Variants in ASPM observed in about 807,000 individuals in gnomAD.
ASPM encodes the protein abnormal spindle-like microcephaly-associated protein.
Under a neutral mutation model 366.4 loss-of-function variants are expected in ASPM, and 256 were observed. That is an observed-to-expected ratio of 0.70 (90% CI 0.63 to 0.77). The LOEUF (loss-of-function observed/expected upper bound fraction) is 0.77, where lower values mean the gene tolerates loss of function less well. Ranked by LOEUF, ASPM falls within the 30% of genes least tolerant of loss-of-function variation. The probability of loss-of-function intolerance (pLI) is 0.00; values close to 1 mark genes in which losing one functional copy is unlikely to be tolerated. For missense variants in ASPM, 4,146 were observed against 4,090.4 expected, an observed-to-expected ratio of 1.01 and a Z score of -0.37; for synonymous variants, 1,414 against 1,342.9, an observed-to-expected ratio of 1.05 and a Z score of -1.16.
chr1:197,144,765 C>G (rs1658717284), intron 1 of ASPM, among the ~76,000 whole-genome samples: 1 of 152,186 alleles, frequency 6.6e-6, no homozygotes, highest in Non-Finnish European at 1.5e-5. Context: ...ACACCCCACA[C>G]CCTGGCAGGT....
Position 197,084,422 on chromosome 1 carries a change from TAA to T in ASPM, c.10334_10335del (p.Leu3445GlnfsTer10). On this transcript the variant is annotated frameshift_variant and splice_region_variant, in exon 28 of 28. Coordinates refer to ENST00000367409, the MANE Select transcript of ASPM (RefSeq NM_018136.5). LOFTEE classifies it high-confidence loss of function. ...TCTCTTCTCAAAACCCAATCTGGCTTAAGTCTGTTAAAAAAAAAAAAAAAGTC... is the reference window on the plus strand; with the variant it reads ...TCTCTTCTCAAAACCCAATCTGGCTTGTCTGTTAAAAAAAAAAAAAAAGTC... Reference protein sequence around the residue: ...TPVRTRIVSRLKPDWVLRRDN... With the variant: ...TPVRTRIVSRXKPDWVLRRDN... 6.3e-7 allele frequency: 1 copy of T among 1,588,530 alleles called. No individual in the cohort carries two copies. Among genetic ancestry groups the T allele is most frequent in the South Asian group, 1.1e-5 (1 of 90,166 alleles).
rs190968454 is a variant in ASPM, at chr1:197,129,049, C to G, written c.2760+138G>C. The G allele has an allele frequency of 7.5e-4, 672 of 900,842 alleles. 1 individual carries two copies. The African/African-American group carries it at 9.9e-3, about 13-fold the overall frequency. 55.8% of individuals were successfully genotyped at this position (900,842 alleles called of 1,614,324 possible). ...AGAATTACTGATGGGACTCACCAGA[C>G]AGGCATTCCTATTTTACTCCTCTGA... On this transcript the variant is annotated intron_variant, in intron 9 of 27. Transcript: ENST00000367409.
In ASPM at chr1:197,091,056, G is replaced by T; in HGVS notation, c.9445-15C>A. 1.3e-6 allele frequency: 2 copies of T among 1,594,268 alleles called. No homozygotes were observed. Among genetic ancestry groups the T allele is most frequent in the Non-Finnish European group, 1.7e-6 (2 of 1,165,390 alleles). On this transcript the variant is annotated splice_polypyrimidine_tract_variant and intron_variant, in intron 22 of 27. Coordinates refer to ENST00000367409, the MANE Select transcript of ASPM (RefSeq NM_018136.5). ...CGAAACCATCTCTGTTTAAAACATA[G>T]AATTTTGTTTTTCATTTCTACTTCA...
chr1:197,102,442 T>C lies in ASPM; in HGVS notation c.6809A>G (p.Gln2270Arg). The change falls in exon 18 of 28, where the codon CAG becomes CGG. Residue 2270 changes from glutamine (Q) to arginine (R), a missense_variant. Around this residue, in one of 3 missense-constraint regions of ASPM, gnomAD observed 3,624 missense variants for 3,591.7 expected, o/e 1.01. Transcript: ENST00000367409. ...CATCATTAGAGTTCTAAATCTCCTCTGAATGAGAGTTGCGGCTATATGCAT... is the reference window on the plus strand; with the variant it reads ...CATCATTAGAGTTCTAAATCTCCTCCGAATGAGAGTTGCGGCTATATGCAT... ...KMMHIAATLI[Q>R]RRFRTLMMRR... The C allele has an allele frequency of 1.9e-6, 3 of 1,612,578 alleles. No individual in the cohort carries two copies. Among genetic ancestry groups the C allele is most frequent in the Non-Finnish European group, 2.5e-6 (3 of 1,179,130 alleles).
At chr1:197,122,927 A>G (rs1289757237) in intron 13 of ASPM, among the ~76,000 whole-genome samples, 1 of 152,138 alleles carries the variant, frequency 6.6e-6, no homozygotes, top group Non-Finnish European at 1.5e-5. Context: ...ACAAGCAATG[A>G]GAGTGGATTC....
intron 4 of ASPM, among the ~76,000 whole-genome samples, chr1:197,137,719 G>T (rs1438635143): frequency 6.6e-6 from 1 of 152,146 alleles, no homozygotes; most frequent in Admixed American, 6.5e-5. Flanking sequence ...GACCTCAAGT[G>T]ATCCGCCCAC....
chr1:197,129,304 A>C lies in ASPM; in HGVS notation c.2643T>G (p.Ala881=), dbSNP rs779592697. Residue 881 remains alanine (A), a synonymous_variant, in exon 9 of 28, where the codon GCT becomes GCG. Coordinates refer to ENST00000367409, the MANE Select transcript of ASPM (RefSeq NM_018136.5). ...ACTTTTTCAATGTAAACTTGGACAA[A>C]GCTTCTTCATGACCTTAAATAAAGT... ...PHLYRDGHEE[A]LSKFTLKKLL... is the part of the protein sequence containing the mutation. 6.2e-7 allele frequency: 1 copy of C among 1,613,152 alleles called. No homozygotes were observed. The highest frequency in any genetic ancestry group is 8.5e-7 in the Non-Finnish European group (1 of 1,179,390).
chr1:197,130,204 C>T lies in ASPM; in HGVS notation c.2488-148G>A, dbSNP rs1658217611. 4.8e-6 allele frequency: 4 copies of T among 840,278 alleles called. No individual in the cohort carries two copies. The Admixed American group carries it at 6.3e-5, about 13-fold the overall frequency. 52.1% of individuals were successfully genotyped at this position (840,278 alleles called of 1,614,324 possible). ...TTATTTGCTAAATAACTTCTTTAAACTATGCATATATGATTTATGTATATC... is the reference window on the plus strand; with the variant it reads ...TTATTTGCTAAATAACTTCTTTAAATTATGCATATATGATTTATGTATATC... On this transcript the variant is annotated intron_variant, in intron 7 of 27. Transcript: ENST00000367409.
intron 16 of ASPM, among the ~76,000 whole-genome samples, chr1:197,120,602 T>G (rs1196993501): frequency 1.3e-5 from 2 of 152,160 alleles, no homozygotes; most frequent in African/African-American, 4.8e-5. Flanking sequence ...CATATATATC[T>G]ATCTCTTGTA....
Position 197,100,851 on chromosome 1 carries a change from A to G in ASPM, c.8400T>C (p.Ala2800=). 1 of 1,612,642 alleles carries G rather than the reference A, an allele frequency of 6.2e-7. No individual in the cohort carries two copies. Among genetic ancestry groups the G allele is most frequent in the Non-Finnish European group, 8.5e-7 (1 of 1,179,132 alleles). The change falls in exon 18 of 28, where the codon GCT becomes GCC. Residue 2800 remains alanine (A), a synonymous_variant. Transcript: ENST00000367409. ...EGVMIQEWYK[A]SGLACSQEAE... ...CTTCCTGTGAACAAGCAAGGCCAGA[A>G]GCTTTATACCACTCTTGAATCATAA...
In ASPM at chr1:197,103,551, A is replaced by C. The variant is rs146673233; in HGVS notation, c.5700T>G (p.Ala1900=). Residue 1900 remains alanine, a synonymous_variant, in exon 18 of 28, where the codon GCT becomes GCG. Coordinates refer to ENST00000367409, the MANE Select transcript of ASPM (RefSeq NM_018136.5). ...TAAAAGCAGACTGAATCTTCAAGGCAGCTTGATGTTCCCTTCTAATCTGTT... is the reference window on the plus strand; with the variant it reads ...TAAAAGCAGACTGAATCTTCAAGGCCGCTTGATGTTCCCTTCTAATCTGTT... ...VRKQIRREHQ[A]ALKIQSAFRM... 52 of 1,613,152 alleles carry C rather than the reference A, an allele frequency of 3.2e-5. No individual in the cohort carries two copies. The African/African-American group carries it at 5.3e-4, about 17-fold the overall frequency.
chr1:197,130,882 G>T (rs1658235576), intron 7 of ASPM, among the ~76,000 whole-genome samples: 1 of 152,150 alleles, frequency 6.6e-6, no homozygotes, highest in African/African-American at 2.4e-5. Context: ...TTGGCCAATG[G>T]AATGTGGGTG....
chr1:197,091,808 C>A, intron 22 of ASPM, 99 bp downstream of exon 22: 1 of 1,260,008 alleles, frequency 7.9e-7, no homozygotes, highest in South Asian at 1.3e-5. Flanking sequence ...AAATGTTGTA[C>A]GACCTTAGCA....
At chr1:197,134,249 A>AC (rs1658351123) in intron 5 of ASPM, among the ~76,000 whole-genome samples, 1 of 52,566 alleles carries the variant, frequency 1.9e-5, no homozygotes, top group Non-Finnish European at 8.7e-5. Flanking sequence ...ATAAAAAATA[A>AC]TAAAAAAAAA....
Position 197,128,527 on chromosome 1 carries a change from T to C in ASPM, c.2899A>G (p.Asn967Asp), listed in dbSNP as rs1213219618. Residue 967 changes from asparagine (N) to aspartate (D), a missense_variant, in exon 10 of 28, where the codon AAT becomes GAT. By Grantham distance (23) the Asn-to-Asp change is conservative. Transcript: ENST00000367409. ...CCACATTGCAAGTCTACGGCAAGAT[T>C]TGTAACGGCAAAATCAAATTCATCA... ...PFDEFDFAVT[N>D]LAVDLQCGVR... is the part of the protein sequence containing the mutation. 9.3e-6 allele frequency: 15 copies of C among 1,613,816 alleles called. No homozygotes were observed. Among genetic ancestry groups the C allele is most frequent in the Non-Finnish European group, 1.3e-5 (15 of 1,179,862 alleles).
rs373298130 is a variant in ASPM at position 197,110,841 on chromosome 1, TAACA to T, written c.4066-5660_4066-5657del. Among the ~76,000 whole-genome samples the T allele has an allele frequency of 3.8e-4, 58 of 151,980 alleles. 1 individual carries two copies. Among genetic ancestry groups the T allele is most frequent in the African/African-American group, 1.3e-3 (55 of 41,514 alleles). On this transcript the variant is annotated intron_variant, in intron 17 of 27. Transcript: ENST00000367409. ...ACCTGATCTTTGACATAGTTGACAA[TAACA>T]AACAATGGGGAAAGGATATGCTATT... is the stretch of plus-strand genomic sequence containing the variant.
intron 10 of ASPM, among the ~76,000 whole-genome samples, chr1:197,127,005 T>C (rs12042442): frequency 0.19 from 28,190 of 152,104 alleles, 3,967 homozygotes; most frequent in East Asian, 0.7. Context: ...CTTATTTTGC[T>C]TGGCAATAAA....
intron 12 of ASPM, among the ~76,000 whole-genome samples, 168 bp downstream of exon 12, chr1:197,124,702 T>TATAC (rs1658029918): frequency 6.6e-6 from 1 of 151,078 alleles, no homozygotes; most frequent in Admixed American, 6.6e-5. Flanking sequence ...TATATATATA[T>TATAC]ACACATATAT....
chr1:197,096,439 G>GT (rs1656978192), intron 18 of ASPM, among the ~76,000 whole-genome samples: 1 of 151,662 alleles, frequency 6.6e-6, no homozygotes, highest in African/African-American at 2.4e-5. Context: ...TTTATAAATT[G>GT]TAAGACACAC....
Sources: allele counts gnomAD v4.1 joint callset (sites outside exome capture counted in the v4.1 genomes callset), GRCh38; gene constraint gnomAD v4.1.1; regional missense constraint gnomAD v4.1.1; transcripts MANE v1.5; gene names NCBI Gene and HGNC (gene_info 2026-07-23, HGNC 2026-07-21).